The following ZNF200 variants were observed in gnomAD, a reference collection of about 807,000 sequenced individuals.
The protein encoded by ZNF200 is zinc finger protein 200.
A neutral mutation model predicts 33.6 loss-of-function variants in ZNF200; 35 were observed. The ratio of observed to expected loss-of-function variants is 1.04; its 90% CI spans 0.80 to 1.38. The LOEUF (loss-of-function observed/expected upper bound fraction) is 1.38, where lower values mean the gene tolerates loss of function less well. Among genes scored for constraint, ZNF200 ranks in the 40% most tolerant of loss-of-function variants. ZNF200 has a pLI of 0.00. For missense variants in ZNF200, 592 were observed against 470.6 expected (o/e 1.26, Z -2.39); for synonymous variants, 209 against 167.7 (o/e 1.25, Z -1.90).
At chr16:3,228,915 T>C (rs1958553882) in intron 4 of ZNF200, among the ~76,000 whole-genome samples, 1 of 152,140 alleles carries the variant, frequency 6.6e-6, no homozygotes, top group Non-Finnish European at 1.5e-5. Context: ...TAGAAAACAT[T>C]ATACAGACCT....
At chr16:3,233,054 T>G (rs1478035084) in intron 2 of ZNF200, 133 bp from the exon 3 acceptor site, 2 of 733,366 alleles carry the variant, frequency 2.7e-6, no homozygotes, top group Non-Finnish European at 4.5e-6. Flanking sequence ...TGTGAGCCCT[T>G]ATAGAGTTCA....
chr16:3,228,666 T>C lies in ZNF200; in HGVS notation c.466+3755A>G, dbSNP rs1460504361. 2.0e-5 allele frequency among the ~76,000 whole-genome samples: 3 copies of C among 151,908 alleles called. No homozygotes were observed. The East Asian group carries it at 5.8e-4, about 29-fold the overall frequency. ...CGCACCACCACACCCAGCTAACTTT[T>C]GTATATTTTTTTTTTAGTAGAGATG... On this transcript the variant is annotated intron_variant, in intron 4 of 4. Coordinates refer to ENST00000414144, the MANE Select transcript of ZNF200 (RefSeq NM_198088.3).
chr16:3,224,500 G>C lies in ZNF200; in HGVS notation c.580C>G (p.Gln194Glu), dbSNP rs1179921948. The C allele has an allele frequency of 2.5e-6, 4 of 1,614,204 alleles. No homozygotes were observed. The highest frequency in any genetic ancestry group is 3.3e-5 in the Admixed American group (2 of 60,020). The part of the protein sequence containing the change: ...DDEMDSSLVS[Q>E]QPPDNQEKER... Reference sequence around the variant, plus strand: ...TTTTCCTGGTTATCGGGAGGCTGCTGAGAGACCAAGGAAGAATCCATTTCA... The same window carrying C: ...TTTTCCTGGTTATCGGGAGGCTGCTCAGAGACCAAGGAAGAATCCATTTCA... Residue 194 changes from glutamine to glutamate, a missense_variant, in exon 5 of 5, where the codon CAG becomes GAG. By Grantham distance (29) the Gln-to-Glu change is conservative. Coordinates refer to ENST00000414144, the MANE Select transcript of ZNF200 (RefSeq NM_198088.3).
rs1269388201 is a variant in ZNF200 at position 3,233,636 on chromosome 16, C to T, written c.120G>A (p.Lys40=). Residue 40 remains lysine, a synonymous_variant, in exon 2 of 5, where the codon AAG becomes AAA. Coordinates refer to ENST00000414144, the MANE Select transcript of ZNF200 (RefSeq NM_198088.3). ...GCTCCAGCACTAGCTGGTGGATGGT[C>T]TTGGGCCCGTTAGTGGCATCTCGAA... ...DLLRDATNGP[K]TIHQLVLEHF... 6 of 1,613,958 alleles carry T rather than the reference C, an allele frequency of 3.7e-6. No homozygotes were observed. The highest frequency in any genetic ancestry group is 5.1e-6 in the Non-Finnish European group (6 of 1,179,992).
chr16:3,231,443 C>T (rs1476429669), intron 4 of ZNF200, among the ~76,000 whole-genome samples: 1 of 152,188 alleles, frequency 6.6e-6, no homozygotes, highest in East Asian at 1.9e-4. Context: ...AACCTATTCT[C>T]TGTACAACTT....
rs1299318833 is a variant in ZNF200 at position 3,233,642 on chromosome 16, C to T, written c.114G>A (p.Gly38=). 2 of 1,613,778 alleles carry T rather than the reference C, an allele frequency of 1.2e-6. No homozygotes were observed. Among genetic ancestry groups the T allele is most frequent in the African/African-American group, 2.7e-5 (2 of 74,916 alleles). Residue 38 remains glycine (G), a synonymous_variant, in exon 2 of 5, where the codon GGG becomes GGA. Coordinates refer to ENST00000414144, the MANE Select transcript of ZNF200 (RefSeq NM_198088.3). ...GQDLLRDATN[G]PKTIHQLVLE... ...GCACTAGCTGGTGGATGGTCTTGGG[C>T]CCGTTAGTGGCATCTCGAAGTAGGT...
chr16:3,224,668 G>GA, intron 4 of ZNF200, 55 bp from the exon 5 acceptor site: 2 of 1,513,402 alleles, frequency 1.3e-6, no homozygotes, highest in Non-Finnish European at 8.8e-7. Context: ...CACCAGGCAG[G>GA]AAAAAACAAG....
At chr16:3,230,929 G>C (rs1958620138) in intron 4 of ZNF200, among the ~76,000 whole-genome samples, 1 of 152,146 alleles carries the variant, frequency 6.6e-6, no homozygotes, top group Admixed American at 6.6e-5. Flanking sequence ...ATTTCACACT[G>C]CTTATCGTTT....
At position 3,223,759 on chromosome 16, in the gene ZNF200, G is replaced by A. The variant is rs972510032; in HGVS notation, c.*133C>T. ...CAATTTGAGGTTTTAGCTAAGATGGGCATTTATCCAATTTTGGCAATAATG... is the reference window on the plus strand; with the variant it reads ...CAATTTGAGGTTTTAGCTAAGATGGACATTTATCCAATTTTGGCAATAATG... On this transcript the variant is annotated 3_prime_UTR_variant, in exon 5 of 5. Coordinates refer to ENST00000414144, the MANE Select transcript of ZNF200 (RefSeq NM_198088.3). The A allele has an allele frequency of 2.7e-5, 36 of 1,335,848 alleles. No individual in the cohort carries two copies. The highest frequency in any genetic ancestry group is 3.4e-5 in the Non-Finnish European group (34 of 994,348). 82.7% of individuals were successfully genotyped at this position (1,335,848 alleles called of 1,614,324 possible).
At chr16:3,227,826 T>A (rs374432008) in intron 4 of ZNF200, 22 of 152,326 alleles carry the variant, frequency 1.4e-4, no homozygotes, top group East Asian at 1.3e-3. Flanking sequence ...GGACAATTCT[T>A]TATACCAGTG....
rs1958715665 is a variant in ZNF200, at chr16:3,233,832, C to G, written c.-77G>C. The G allele has an allele frequency of 5.9e-6, 9 of 1,529,606 alleles. No homozygotes were observed. The highest frequency in any genetic ancestry group is 7.9e-6 in the Non-Finnish European group (9 of 1,139,684). The allele number at this position is 1,529,606 out of a possible 1,614,324, so 94.8% of individuals were successfully genotyped here. On this transcript the variant is annotated 5_prime_UTR_variant, in exon 2 of 5. Transcript: ENST00000414144. ...TTACTAGAGGAAATCTGCCAGAGAG[C>G]CAAGCTGTAGACAGAGAAACCAGGG...
chr16:3,232,680 C>T (rs1958668196), intron 3 of ZNF200, 133 bp from the exon 4 acceptor site: 2 of 1,458,364 alleles, frequency 1.4e-6, no homozygotes, highest in African/African-American at 1.4e-5. Context: ...AGAGGTGCAG[C>T]AAAGACAGGA....
At chr16:3,232,332 G>T in intron 4 of ZNF200, 89 bp downstream of exon 4, 1 of 1,419,460 alleles carries the variant, frequency 7.0e-7, no homozygotes, top group Non-Finnish European at 9.7e-7. Flanking sequence ...GGCTTACCAG[G>T]TGTGAATCGT....
At position 3,224,267 on chromosome 16, in the gene ZNF200, C is replaced by G. The variant is rs751419567; in HGVS notation, c.813G>C (p.Gln271His). ...FNESSYLISH[Q>H]RTHTGEKPYD... The stretch of plus-strand genomic sequence containing the variant: ...AGGGTTTTTCTCCAGTGTGGGTCCT[C>G]TGGTGGGAAATGAGGTAAGAACTTT... The change falls in exon 5 of 5, where the codon CAG (glutamine) becomes CAC (histidine). Residue 271 changes from glutamine (Q) to histidine (H), a missense_variant. By Grantham distance (24) the Gln-to-His change is conservative. Transcript: ENST00000414144. 6.2e-7 allele frequency: 1 copy of G among 1,614,122 alleles called. No individual in the cohort carries two copies. Among genetic ancestry groups the G allele is most frequent in the Non-Finnish European group, 8.5e-7 (1 of 1,180,008 alleles).
At chr16:3,225,024 G>C (rs1596333666) in intron 4 of ZNF200, 1 of 165,940 alleles carries the variant, frequency 6.0e-6, no homozygotes, top group South Asian at 1.7e-4. Flanking sequence ...CGAACCACTT[G>C]TAGGTTTTCA....
intron 4 of ZNF200, among the ~76,000 whole-genome samples, chr16:3,230,233 A>G (rs1461553405): frequency 3.9e-5 from 6 of 152,044 alleles, no homozygotes; most frequent in Admixed American, 3.9e-4. Flanking sequence ...GAAAACTGTG[A>G]GCCAAATAAA....
chr16:3,227,859 C>A (rs1958512429), intron 4 of ZNF200: 1 of 152,162 alleles, frequency 6.6e-6, no homozygotes, highest in Admixed American at 6.5e-5. Flanking sequence ...AATACACCAA[C>A]TTTATCACAC....
chr16:3,228,688 G>A (rs1440652643), intron 4 of ZNF200, among the ~76,000 whole-genome samples: 1 of 151,724 alleles, frequency 6.6e-6, no homozygotes, highest in Non-Finnish European at 1.5e-5. Context: ...TTTTAGTAGA[G>A]ATGGGGTTTT....
At chr16:3,225,413 C>G (rs1362178098) in intron 4 of ZNF200, 1 of 152,620 alleles carries the variant, frequency 6.6e-6, no homozygotes, top group African/African-American at 2.4e-5. Context: ...CCATTGCACT[C>G]CAGCCTGGGC....
Sources: allele counts gnomAD v4.1 joint callset (sites outside exome capture counted in the v4.1 genomes callset), GRCh38; gene constraint gnomAD v4.1.1; transcripts MANE v1.5; gene names NCBI Gene and HGNC (gene_info 2026-07-23, HGNC 2026-07-21).